Variants in SCFD1 observed in about 807,000 individuals in gnomAD.
SCFD1 encodes sec1 family domain-containing protein 1.
SCFD1 carries 37 observed loss-of-function variants against 103.2 expected under a neutral mutation model. The observed-to-expected ratio is 0.36, with a 90% CI of 0.28 to 0.47. The LOEUF (loss-of-function observed/expected upper bound fraction) is 0.47, where lower values mean the gene tolerates loss of function less well. Ranked by LOEUF, SCFD1 falls within the 20% of genes least tolerant of loss-of-function variation. The probability of loss-of-function intolerance (pLI) is 1.00; values close to 1 mark genes in which losing one functional copy is unlikely to be tolerated. For synonymous variants in SCFD1, 264 were observed against 245.0 expected, an observed-to-expected ratio of 1.08 and a Z score of -0.73; for missense variants, 639 against 761.2, an observed-to-expected ratio of 0.84 and a Z score of 1.89.
intron 9 of SCFD1, chr14:30,652,515 A>T (rs1302170998): frequency 6.6e-6 from 1 of 152,142 alleles, no homozygotes; most frequent in African/African-American, 2.4e-5. Context: ...TTTATAGGAA[A>T]AAAATTATAA....
intron 15 of SCFD1, 51 bp from the exon 16 acceptor site, chr14:30,700,137 A>T: frequency 7.5e-7 from 1 of 1,328,806 alleles, no homozygotes; most frequent in Non-Finnish European, 1.1e-6. Context: ...ACTATAATAC[A>T]TAATAACCAC....
chr14:30,639,482 A>G (rs1885054494), intron 5 of SCFD1, among the ~76,000 whole-genome samples: 1 of 152,230 alleles, frequency 6.6e-6, no homozygotes, highest in South Asian at 2.1e-4. Flanking sequence ...CAAAATTGAT[A>G]TCCATTCCCA....
At chr14:30,674,483 A>AAAAT (rs1352286821) in intron 13 of SCFD1, among the ~76,000 whole-genome samples, 56 of 152,214 alleles carry the variant, frequency 3.7e-4, no homozygotes, top group Admixed American at 1.3e-3. Context: ...TCTACTTAAA[A>AAAAT]AAATAAATAA....
At chr14:30,694,519 T>TA (rs1890553687) in intron 14 of SCFD1, among the ~76,000 whole-genome samples, 1 of 151,354 alleles carries the variant, frequency 6.6e-6, no homozygotes, top group African/African-American at 2.4e-5. Flanking sequence ...AAAAAAAAAA[T>TA]ACGGAAAAAT....
intron 7 of SCFD1, among the ~76,000 whole-genome samples, chr14:30,646,913 A>G (rs567407086): frequency 3.0e-4 from 45 of 152,218 alleles, no homozygotes; most frequent in African/African-American, 1.1e-3. Flanking sequence ...GGTGTTTGTA[A>G]TAGTCTCTGA....
At chr14:30,733,119 C>T (rs1893598164) in intron 23 of SCFD1, among the ~76,000 whole-genome samples, 1 of 151,794 alleles carries the variant, frequency 6.6e-6, no homozygotes, top group Non-Finnish European at 1.5e-5. Context: ...AATCAGTTCT[C>T]CTGCCTTAGC....
intron 17 of SCFD1, among the ~76,000 whole-genome samples, chr14:30,704,447 A>G (rs1891329872): frequency 6.6e-6 from 1 of 152,220 alleles, no homozygotes. Flanking sequence ...TTTGCCTAAT[A>G]TTAAATCATA....
chr14:30,701,791 A>C (rs1209736972), intron 16 of SCFD1, among the ~76,000 whole-genome samples: 1 of 152,136 alleles, frequency 6.6e-6, no homozygotes, highest in Admixed American at 6.5e-5. Flanking sequence ...GACTTATCAG[A>C]AAATGAGTAA....
intron 14 of SCFD1, among the ~76,000 whole-genome samples, chr14:30,683,855 CTTTCT>C (rs1307121043): frequency 2.6e-5 from 4 of 152,126 alleles, no homozygotes; most frequent in Non-Finnish European, 5.9e-5. Flanking sequence ...CCCTTCTTGT[CTTTCT>C]TTTCACTGCT....
intron 24 of SCFD1, 102 bp downstream of exon 24, chr14:30,734,960 C>T (rs1040345705): frequency 6.8e-6 from 6 of 888,312 alleles, no homozygotes; most frequent in Non-Finnish European, 1.1e-5. Flanking sequence ...CTGAACCAGC[C>T]GAAACCAAAG....
chr14:30,664,346 G>C (rs1227016649), intron 10 of SCFD1, among the ~76,000 whole-genome samples: 1 of 151,230 alleles, frequency 6.6e-6, no homozygotes, highest in Non-Finnish European at 1.5e-5. Context: ...GAAAGGAATA[G>C]CATCAACCTC....
rs867092814 is a variant in SCFD1 at position 30,667,891 on chromosome 14, C to T, written c.856-2365C>T. Among the ~76,000 whole-genome samples, 14 of 152,026 alleles carry T rather than the reference C, an allele frequency of 9.2e-5. No individual in the cohort carries two copies. The East Asian group carries it at 1.7e-3, about 19-fold the overall frequency. On this transcript the variant is annotated intron_variant, in intron 10 of 24. Coordinates refer to ENST00000458591, the MANE Select transcript of SCFD1 (RefSeq NM_016106.4). Reference sequence around the variant, plus strand: ...AGGAGAACTACAAACCACTGCTCAACGAAATAAAAGAGGACACAAACAAAT... The same window carrying T: ...AGGAGAACTACAAACCACTGCTCAATGAAATAAAAGAGGACACAAACAAAT...
chr14:30,707,291 C>G lies in SCFD1; in HGVS notation c.1554-699C>G, dbSNP rs75980386. 3.7e-3 allele frequency among the ~76,000 whole-genome samples: 559 copies of G among 152,320 alleles called. 7 individuals carry two copies. Among genetic ancestry groups the G allele is most frequent in the African/African-American group, 0.013 (529 of 41,572 alleles). ...ATTACTAATCTGTCCCACAAAACATCTTTTAATTCCATGTGAGAGACTGTT... is the reference window on the plus strand; with the variant it reads ...ATTACTAATCTGTCCCACAAAACATGTTTTAATTCCATGTGAGAGACTGTT... On this transcript the variant is annotated intron_variant, in intron 18 of 24. Transcript: ENST00000458591.
intron 9 of SCFD1, among the ~76,000 whole-genome samples, chr14:30,652,116 C>T (rs229209): frequency 6.6e-6 from 1 of 151,898 alleles, no homozygotes; most frequent in Non-Finnish European, 1.5e-5. Context: ...TTTTTATCCC[C>T]GAGTCAATGC....
intron 19 of SCFD1, among the ~76,000 whole-genome samples, chr14:30,708,892 A>G (rs1315839249): frequency 6.6e-6 from 1 of 152,138 alleles, no homozygotes; most frequent in Non-Finnish European, 1.5e-5. Context: ...TAATATATAG[A>G]TATTCTGCTT....
intron 7 of SCFD1, among the ~76,000 whole-genome samples, chr14:30,645,582 G>A (rs1304951997): frequency 6.6e-6 from 1 of 152,064 alleles, no homozygotes; most frequent in Non-Finnish European, 1.5e-5. Context: ...TCTTCTTTTT[G>A]TGGCTATTGT....
At chr14:30,730,932 A>G (rs1402773102) in intron 23 of SCFD1, among the ~76,000 whole-genome samples, 10 of 152,168 alleles carry the variant, frequency 6.6e-5, no homozygotes, top group Admixed American at 3.9e-4. Flanking sequence ...GCCCATGTCT[A>G]TGTCCTGAAT....
chr14:30,715,580 A>AC (rs1892224006), intron 19 of SCFD1: 2 of 160,868 alleles, frequency 1.2e-5, no homozygotes, highest in East Asian at 1.8e-4. Context: ...AAAAAAAAAA[A>AC]AAAACGGGAT....
At chr14:30,677,827 CTTTTTTTTTTTTTTTT>C (rs58942207) in intron 14 of SCFD1, among the ~76,000 whole-genome samples, 3 of 67,516 alleles carry the variant, frequency 4.4e-5, no homozygotes, top group South Asian at 5.4e-4. Context: ...ACCTAAGCAC[CTTTTTTTTTTTTTTTT>C]TTTTTTTTTT....
Sources: gnomAD v4.1 joint callset for allele counts (sites outside exome capture counted in the v4.1 genomes callset) on GRCh38, gnomAD v4.1.1 for gene constraint, MANE v1.5 for transcripts, NCBI Gene and HGNC (gene_info 2026-07-23, HGNC 2026-07-21) for gene names.